The following NFATC1 variants were observed in gnomAD, a reference collection of about 807,000 sequenced individuals.
NFATC1 encodes the protein nuclear factor of activated T cells 1, also known as nuclear factor of activated T-cells, cytoplasmic 1.
Under a neutral mutation model 76.0 loss-of-function variants are expected in NFATC1, and 22 were observed. The observed-to-expected ratio is 0.29, with a 90% CI of 0.21 to 0.41. NFATC1 has a LOEUF of 0.41. Ranked by LOEUF, NFATC1 falls within the 10% of genes least tolerant of loss-of-function variation. The pLI is 1.00. For missense variants in NFATC1, 1,357 were observed against 1,337.7 expected (o/e 1.01, Z -0.23); for synonymous variants, 704 against 613.1 (o/e 1.15, Z -2.19).
At chr18:79,400,488 GT>G in intron 1 of NFATC1, 1 of 1,433,240 alleles carries the variant, frequency 7.0e-7, no homozygotes, top group Non-Finnish European at 9.1e-7. Flanking sequence ...AGGTGGGTCA[GT>G]CCCGGAGGGC....
intron 9 of NFATC1, among the ~76,000 whole-genome samples, chr18:79,514,704 C>G (rs1339472233): frequency 6.6e-6 from 1 of 151,514 alleles, no homozygotes; most frequent in Non-Finnish European, 1.5e-5. Context: ...AACAAAATGG[C>G]AGATTCTCTG....
chr18:79,402,638 G>A (rs1159992901), intron 1 of NFATC1, among the ~76,000 whole-genome samples: 5 of 152,202 alleles, frequency 3.3e-5, no homozygotes, highest in Non-Finnish European at 4.4e-5. Flanking sequence ...CAGGAGAGGC[G>A]AGAGCTGAGA....
chr18:79,485,544 C>G (rs574604804), intron 8 of NFATC1, among the ~76,000 whole-genome samples: 25 of 152,114 alleles, frequency 1.6e-4, no homozygotes, highest in Admixed American at 7.9e-4. Flanking sequence ...TGGCCCGGGC[C>G]TGGCGGAGCA....
chr18:79,466,154 T>C (rs2088482687), intron 7 of NFATC1, among the ~76,000 whole-genome samples: 1 of 152,240 alleles, frequency 6.6e-6, no homozygotes, highest in South Asian at 2.1e-4. Flanking sequence ...TCATTATTTG[T>C]AAATGAAAGA....
chr18:79,404,330 T>C (rs2085362727), intron 1 of NFATC1, among the ~76,000 whole-genome samples: 1 of 152,240 alleles, frequency 6.6e-6, no homozygotes, highest in Admixed American at 6.5e-5. Context: ...TCTTTCTCGC[T>C]GGCAGATTGT....
chr18:79,517,529 C>T lies in NFATC1; in HGVS notation c.2783-9999C>T, dbSNP rs183576448. Among the ~76,000 whole-genome samples the T allele has an allele frequency of 3.9e-5, 6 of 152,234 alleles. No individual in the cohort carries two copies. In the East Asian group the frequency reaches 1.2e-3, roughly 29 times the overall value. Reference sequence around the variant, plus strand: ...GAAAGTGAGGCGGATGGGGACGCTGCGACAGGAAGAGGCAATAGGAACATG... The same window carrying T: ...GAAAGTGAGGCGGATGGGGACGCTGTGACAGGAAGAGGCAATAGGAACATG... On this transcript the variant is annotated intron_variant, in intron 9 of 9. Coordinates refer to ENST00000427363, the MANE Select transcript of NFATC1 (RefSeq NM_001278669.2).
intron 9 of NFATC1, among the ~76,000 whole-genome samples, chr18:79,494,306 C>T (rs2089799324): frequency 7.0e-6 from 1 of 142,736 alleles, no homozygotes; most frequent in East Asian, 2.1e-4. Flanking sequence ...AGCGGGCACA[C>T]GCCCCCCATG....
chr18:79,420,207 A>C (rs2086026408), intron 2 of NFATC1, among the ~76,000 whole-genome samples: 1 of 151,838 alleles, frequency 6.6e-6, no homozygotes, highest in Non-Finnish European at 1.5e-5. Context: ...ACGTCGCTGC[A>C]GAGAGGAAGA....
chr18:79,400,212 C>T lies in NFATC1; in HGVS notation c.127+3861C>T, dbSNP rs1344231413. The T allele has an allele frequency of 4.2e-6, 5 of 1,194,680 alleles. No individual in the cohort carries two copies. The African/African-American group carries it at 4.9e-5, about 12-fold the overall frequency. 74.0% of individuals were successfully genotyped at this position (1,194,680 alleles called of 1,614,324 possible). A position where few individuals can be genotyped will look rare whatever the true frequency, so the allele number is the denominator to read the frequency against. ...GGGAGTTTATTTAAAACTCGGAAGC[C>T]GGCGGCCGCGAGCCGGTTGTTTATG... On this transcript the variant is annotated intron_variant, in intron 1 of 9. Coordinates refer to ENST00000427363, the MANE Select transcript of NFATC1 (RefSeq NM_001278669.2).
At chr18:79,477,668 G>A (rs1340551263) in intron 8 of NFATC1, among the ~76,000 whole-genome samples, 1 of 152,180 alleles carries the variant, frequency 6.6e-6, no homozygotes. Flanking sequence ...CCGGGGCACT[G>A]TCTCAGTCTT....
chr18:79,479,349 C>T lies in NFATC1; in HGVS notation c.2093-6899C>T, dbSNP rs564659127. On this transcript the variant is annotated intron_variant, in intron 8 of 9. Coordinates refer to ENST00000427363, the MANE Select transcript of NFATC1 (RefSeq NM_001278669.2). ...GGGCCTGTGCGGCCCCCTCCACGGGCGACAGCGTGAACTGGGCCTGTGCGG... is the reference window on the plus strand; with the variant it reads ...GGGCCTGTGCGGCCCCCTCCACGGGTGACAGCGTGAACTGGGCCTGTGCGG... Among the ~76,000 whole-genome samples, 3 of 150,740 alleles carry T rather than the reference C, an allele frequency of 2.0e-5. No homozygotes were observed. The South Asian group carries it at 6.2e-4, about 31-fold the overall frequency.
chr18:79,486,011 G>A (rs1040738182), intron 8 of NFATC1, among the ~76,000 whole-genome samples: 3 of 152,098 alleles, frequency 2.0e-5, no homozygotes, highest in South Asian at 2.1e-4. Flanking sequence ...TTTATAGCAC[G>A]TTAGTGCTGC....
intron 9 of NFATC1, among the ~76,000 whole-genome samples, chr18:79,511,318 G>A (rs893241540): frequency 2.0e-5 from 3 of 152,100 alleles, no homozygotes; most frequent in East Asian, 1.9e-4. Flanking sequence ...CCCCCTCCCC[G>A]CTGCTTCCGC....
intron 9 of NFATC1, among the ~76,000 whole-genome samples, chr18:79,520,295 C>T (rs375354383): frequency 1.5e-4 from 23 of 151,006 alleles, no homozygotes; most frequent in Middle Eastern, 3.4e-3. Context: ...CAGATGCCTC[C>T]GGAGGGACTC....
At chr18:79,437,248 G>C (rs918523872) in intron 3 of NFATC1, among the ~76,000 whole-genome samples, 1 of 152,244 alleles carries the variant, frequency 6.6e-6, no homozygotes, top group African/African-American at 2.4e-5. Context: ...GAGGGGTCTG[G>C]CGTGGGCCTC....
At chr18:79,442,918 A>C (rs2087039290) in intron 3 of NFATC1, among the ~76,000 whole-genome samples, 1 of 152,142 alleles carries the variant, frequency 6.6e-6, no homozygotes. Flanking sequence ...GGAAGGGGAC[A>C]CACCAGAGCT....
intron 1 of NFATC1, among the ~76,000 whole-genome samples, chr18:79,403,489 C>T (rs571471968): frequency 3.9e-4 from 60 of 152,364 alleles, no homozygotes; most frequent in African/African-American, 1.4e-3. Flanking sequence ...ATAGCTGCTT[C>T]GCTGTCAGCT....
intron 8 of NFATC1, among the ~76,000 whole-genome samples, chr18:79,478,837 C>T (rs904181081): frequency 4.6e-5 from 7 of 152,310 alleles, no homozygotes; most frequent in African/African-American, 1.7e-4. Flanking sequence ...AGAAGCTGGG[C>T]CCCAGAACAG....
At chr18:79,466,751 G>A (rs146976108) in intron 7 of NFATC1, among the ~76,000 whole-genome samples, 1 of 152,314 alleles carries the variant, frequency 6.6e-6, no homozygotes, top group Non-Finnish European at 1.5e-5. Flanking sequence ...TTTGGGGTCT[G>A]ACTGAGGGCC....
Sources: gnomAD v4.1 joint callset for allele counts (sites outside exome capture counted in the v4.1 genomes callset) on GRCh38, gnomAD v4.1.1 for gene constraint, MANE v1.5 for transcripts, NCBI Gene and HGNC (gene_info 2026-07-23, HGNC 2026-07-21) for gene names.